Variants in ACSF3 observed in about 807,000 individuals in gnomAD.
ACSF3 encodes the protein acyl-CoA synthetase family member 3.
ACSF3 carries 78 observed loss-of-function variants against 53.2 expected under a neutral mutation model. The ratio of observed to expected loss-of-function variants is 1.47; its 90% confidence interval spans 1.22 to 1.77. The LOEUF is 1.77. ACSF3 is among the 40% of genes most tolerant of loss of function. ACSF3 has a pLI of 0.00. For synonymous variants in ACSF3, 414 were observed against 333.1 expected, an observed-to-expected ratio of 1.24 and a Z score of -2.65; for missense variants, 937 against 771.1, an observed-to-expected ratio of 1.22 and a Z score of -2.55.
intron 3 of ACSF3, 39 bp from the exon 4 acceptor site, chr16:89,102,565 T>G: frequency 6.2e-7 from 1 of 1,611,480 alleles, no homozygotes. Flanking sequence ...CGGGCCACAG[T>G]CTTGCTCTTG....
intron 1 of ACSF3, among the ~76,000 whole-genome samples, chr16:89,094,802 C>T (rs954702710): frequency 6.6e-6 from 1 of 152,116 alleles, no homozygotes; most frequent in Non-Finnish European, 1.5e-5. Flanking sequence ...GGCTGAGGCA[C>T]GAGGATTTCT....
intron 2 of ACSF3, 134 bp downstream of exon 2, chr16:89,098,897 G>A (rs1567680778): frequency 2.5e-6 from 1 of 403,512 alleles, no homozygotes. Flanking sequence ...TTAGACGGTA[G>A]CATCATTGTC....
intron 6 of ACSF3, among the ~76,000 whole-genome samples, chr16:89,119,677 G>A (rs75513257): frequency 0.047 from 7,153 of 152,256 alleles, 532 homozygotes; most frequent in African/African-American, 0.16. Context: ...GGTTCGGGGC[G>A]TCTGCATACC....
intron 6 of ACSF3, among the ~76,000 whole-genome samples, chr16:89,118,136 A>G (rs1430136628): frequency 7.6e-6 from 1 of 132,344 alleles, no homozygotes; most frequent in Non-Finnish European, 1.5e-5. Context: ...GGCGCCGGGG[A>G]CGCTCTCTCT....
chr16:89,131,529 G>A (rs1648758825), intron 7 of ACSF3, among the ~76,000 whole-genome samples: 1 of 152,078 alleles, frequency 6.6e-6, no homozygotes, highest in African/African-American at 2.4e-5. Context: ...CCCGTGTTGA[G>A]TAACTTTGTA....
intron 8 of ACSF3, among the ~76,000 whole-genome samples, chr16:89,142,750 C>T (rs1186738153): frequency 2.0e-5 from 3 of 150,058 alleles, no homozygotes; most frequent in Non-Finnish European, 4.4e-5. Context: ...CCCACACCTG[C>T]AGAGACACAC....
chr16:89,114,766 C>T, intron 6 of ACSF3: 1 of 511,890 alleles, frequency 2.0e-6, no homozygotes, highest in Non-Finnish European at 3.6e-6. Context: ...ACAGCAATGC[C>T]TGGAATGCAG....
chr16:89,115,683 C>T (rs901347419), intron 6 of ACSF3, among the ~76,000 whole-genome samples: 1 of 152,240 alleles, frequency 6.6e-6, no homozygotes, highest in Non-Finnish European at 1.5e-5. Context: ...TCAAGCTGTT[C>T]TCCAGAGCGG....
At chr16:89,111,991 T>G in intron 4 of ACSF3, 101 bp from the exon 5 acceptor site, 1 of 559,098 alleles carries the variant, frequency 1.8e-6, no homozygotes, top group Non-Finnish European at 2.4e-6. Context: ...TGCAGACTCT[T>G]GAATGTGAAC....
intron 7 of ACSF3, 67 bp downstream of exon 7, chr16:89,120,980 A>G (rs1597987458): frequency 7.2e-7 from 1 of 1,395,678 alleles, no homozygotes; most frequent in East Asian, 2.3e-5. Flanking sequence ...GGGTGGTTAC[A>G]CTGGTGCATC....
intron 8 of ACSF3, among the ~76,000 whole-genome samples, chr16:89,135,633 C>G (rs12934720): frequency 1.8e-3 from 281 of 152,264 alleles, no homozygotes; most frequent in Admixed American, 5.9e-3. Context: ...GCATGCTGAT[C>G]TGGGGAAACA....
rs1352730330 is a variant in ACSF3 at position 89,099,202 on chromosome 16, T to A, written c.-21+439T>A. On this transcript the variant is annotated intron_variant, in intron 2 of 10. Coordinates refer to ENST00000614302, the MANE Select transcript of ACSF3 (RefSeq NM_001243279.3). ...CCTGTGTCCGCATCCTGGGGCGGTG[T>A]CCCGTGGGCAGTGTCCTCTGGCTGC... Among the ~76,000 whole-genome samples, 4 of 152,372 alleles carry A rather than the reference T, an allele frequency of 2.6e-5. No homozygotes were observed. In the East Asian group the frequency reaches 7.7e-4, roughly 29 times the overall value.
intron 8 of ACSF3, among the ~76,000 whole-genome samples, chr16:89,142,026 T>C (rs1195781005): frequency 1.3e-5 from 2 of 152,150 alleles, no homozygotes; most frequent in Admixed American, 6.5e-5. Flanking sequence ...GCTGCCACTT[T>C]CTCCGGCACA....
chr16:89,113,751 G>A (rs369117243), intron 5 of ACSF3: 22 of 193,312 alleles, frequency 1.1e-4, no homozygotes, highest in South Asian at 1.1e-3. Context: ...CTCAGGGCCC[G>A]TGTTCTCCTG....
In ACSF3 at chr16:89,100,805, A is replaced by T. The variant is rs564576843; in HGVS notation, c.124A>T (p.Arg42Trp). The T allele has an allele frequency of 6.2e-7, 1 of 1,612,762 alleles. No individual in the cohort carries two copies. Among genetic ancestry groups the T allele is most frequent in the African/African-American group, 1.3e-5 (1 of 75,060 alleles). ...LHTAPVARSD[R>W]SAPVFTRALA... The stretch of plus-strand genomic sequence containing the variant: ...CACAGCCCCAGTGGCCCGCTCGGAC[A>T]GGAGCGCCCCGGTGTTCACCCGTGC... The change falls in exon 3 of 11, where the codon AGG becomes TGG. Residue 42 changes from arginine (R) to tryptophan (W), a missense_variant. Arg to Trp is a moderately radical substitution (Grantham distance 101, BLOSUM62 -3). Coordinates refer to ENST00000614302, the MANE Select transcript of ACSF3 (RefSeq NM_001243279.3).
intron 1 of ACSF3, among the ~76,000 whole-genome samples, chr16:89,097,967 C>T (rs950539571): frequency 2.0e-5 from 3 of 152,090 alleles, no homozygotes; most frequent in South Asian, 2.1e-4. Context: ...CTGGCTGGGA[C>T]AGGGGACTTC....
chr16:89,113,902 G>A, intron 5 of ACSF3: 1 of 321,108 alleles, frequency 3.1e-6, no homozygotes, highest in South Asian at 2.5e-5. Context: ...CCTGCAAGCT[G>A]AGCCGGCTGT....
intron 8 of ACSF3, chr16:89,141,114 G>C (rs531219957): frequency 1.6e-6 from 2 of 1,287,138 alleles, no homozygotes; most frequent in Admixed American, 4.6e-5. Flanking sequence ...AGTCGCCCTC[G>C]CTGCCGCAGG....
intron 7 of ACSF3, among the ~76,000 whole-genome samples, chr16:89,130,963 C>T (rs781657389): frequency 3.3e-5 from 5 of 152,182 alleles, no homozygotes; most frequent in Middle Eastern, 3.4e-3. Flanking sequence ...GTTTCTTCAT[C>T]GTCCTGCTCC....
Sources: gnomAD v4.1 joint callset for allele counts (sites outside exome capture counted in the v4.1 genomes callset) on GRCh38, gnomAD v4.1.1 for gene constraint, MANE v1.5 for transcripts, NCBI Gene and HGNC (gene_info 2026-07-23, HGNC 2026-07-21) for gene names.